Variants in CKAP2 observed in about 807,000 individuals in gnomAD.
The protein encoded by CKAP2 is cytoskeleton associated protein 2.
Under a neutral mutation model 58.4 loss-of-function variants are expected in CKAP2, and 46 were observed. The ratio of observed to expected loss-of-function variants is 0.79; its 90% CI spans 0.62 to 1.01. The LOEUF (loss-of-function observed/expected upper bound fraction) is 1.01. CKAP2 is among the 50% of genes least tolerant of loss of function. The pLI, the probability that CKAP2 is intolerant of heterozygous loss-of-function variation, is 0.00. For missense variants in CKAP2, 809 were observed against 796.4 expected (o/e 1.02, Z -0.19); for synonymous variants, 293 against 280.9 (o/e 1.04, Z -0.43).
chr13:52,473,047 TA>T (rs201486101), intron 7 of CKAP2, among the ~76,000 whole-genome samples: 1,617 of 137,536 alleles, frequency 0.012, 3 homozygotes, highest in African/African-American at 0.016. Context: ...ACCCTGTCTC[TA>T]AAAAAAAAAA....
chr13:52,456,652 G>T (rs1566096383), intron 2 of CKAP2, 45 bp downstream of exon 2: 1 of 1,423,256 alleles, frequency 7.0e-7, no homozygotes, highest in Non-Finnish European at 9.8e-7. Context: ...AATTGTATCA[G>T]ATCTGTCCAA....
rs750486354 is a variant in CKAP2, at chr13:52,473,810, A to G, written c.1547-19A>G. 1.1e-5 allele frequency: 18 copies of G among 1,577,046 alleles called. No individual in the cohort carries two copies. The highest frequency in any genetic ancestry group is 1.5e-5 in the Non-Finnish European group (17 of 1,164,974). On this transcript the variant is annotated intron_variant, in intron 7 of 8. Transcript: ENST00000258607. ...TAAAATTCAGCCAAAAGCTTAATCT[A>G]TAAATGTATTTTCTATAGGAGAAAA...
At position 52,468,328 on chromosome 13, in the gene CKAP2, T is replaced by A; in HGVS notation, c.1527T>A (p.Ser509Arg). Reference sequence around the variant, plus strand: ...TTGTAGATATTCTAACAATGAAGAGTCAAGAAAAAGCTAATTTAGGTAAGT... The same window carrying A: ...TTGTAGATATTCTAACAATGAAGAGACAAGAAAAAGCTAATTTAGGTAAGT... ...HTIVDILTMK[S>R]QEKANLGENM... is the part of the protein sequence containing the mutation. Residue 509 changes from serine to arginine, a missense_variant, in exon 7 of 9, where the codon AGT becomes AGA. By Grantham distance (110) the Ser-to-Arg change is moderately radical (BLOSUM62 -1). Coordinates refer to ENST00000258607, the MANE Select transcript of CKAP2 (RefSeq NM_018204.5). 2 of 1,597,250 alleles carry A rather than the reference T, an allele frequency of 1.3e-6. No individual in the cohort carries two copies. The highest frequency in any genetic ancestry group is 1.7e-6 in the Non-Finnish European group (2 of 1,171,466).
rs539068636 is a variant in CKAP2 at position 52,460,105 on chromosome 13, C to G, written c.156-794C>G. Among the ~76,000 whole-genome samples the G allele has an allele frequency of 3.9e-5, 6 of 152,238 alleles. No homozygotes were observed. The South Asian group carries it at 8.3e-4, about 21-fold the overall frequency. On this transcript the variant is annotated intron_variant, in intron 2 of 8. Transcript: ENST00000258607. ...AACTCCTGAGCTCAAGTAATCCCCC[C>G]ACCTCGGCCTCCCAAAGTGCTGCTA...
intron 3 of CKAP2, 22 bp downstream of exon 3, chr13:52,460,996 CT>C: frequency 6.2e-7 from 1 of 1,609,264 alleles, no homozygotes; most frequent in Non-Finnish European, 8.5e-7. Context: ...ACATAGCACT[CT>C]TAAACTGTCC....
chr13:52,460,185 T>C (rs754637679), intron 2 of CKAP2, among the ~76,000 whole-genome samples: 5 of 152,026 alleles, frequency 3.3e-5, no homozygotes, highest in Non-Finnish European at 7.4e-5. Flanking sequence ...TATCCTAATA[T>C]AAATTAAGCT....
At chr13:52,472,584 C>T (rs1242909435) in intron 7 of CKAP2, among the ~76,000 whole-genome samples, 2 of 152,150 alleles carry the variant, frequency 1.3e-5, no homozygotes, top group African/African-American at 4.8e-5. Flanking sequence ...TCTGCCCTCA[C>T]TGCTTTCCCA....
Position 52,466,472 on chromosome 13 carries a change from T to C in CKAP2, c.1476+1007T>C, listed in dbSNP as rs918718178. Among the ~76,000 whole-genome samples, 7 of 152,194 alleles carry C rather than the reference T, an allele frequency of 4.6e-5. 1 individual carries two copies. Among genetic ancestry groups the C allele is most frequent in the Non-Finnish European group, 1.0e-4 (7 of 68,048 alleles). On this transcript the variant is annotated intron_variant, in intron 6 of 8. Coordinates refer to ENST00000258607, the MANE Select transcript of CKAP2 (RefSeq NM_018204.5). ...TCAGTGGCTGTCATGTGTAAAACTTTCTAGAATGGTAATTATATTTGACAG... is the reference window on the plus strand; with the variant it reads ...TCAGTGGCTGTCATGTGTAAAACTTCCTAGAATGGTAATTATATTTGACAG...
chr13:52,463,739 G>A lies in CKAP2; in HGVS notation c.1305+1172G>A, dbSNP rs550260409. On this transcript the variant is annotated intron_variant, in intron 5 of 8. Transcript: ENST00000258607. ...GGATAAGGAGGCATTCTGCTGGGTG[G>A]CTTTTTAAGATATTTACTTCAGAGT... Among the ~76,000 whole-genome samples, 17 of 152,284 alleles carry A rather than the reference G, an allele frequency of 1.1e-4. No homozygotes were observed. In the South Asian group the frequency reaches 2.5e-3, roughly 22 times the overall value.
chr13:52,465,039 A>C (rs1196923795), intron 5 of CKAP2, among the ~76,000 whole-genome samples: 1 of 152,220 alleles, frequency 6.6e-6, no homozygotes, highest in Non-Finnish European at 1.5e-5. Flanking sequence ...CGAGGAAAAA[A>C]AACTCCGCAG....
rs1357050184 is a variant in CKAP2, at chr13:52,462,494, A to G, written c.1232A>G (p.Glu411Gly). Reference protein sequence around the residue: ...PVGSFWTTMAEEDEQRLFTEK... With the variant: ...PVGSFWTTMAGEDEQRLFTEK... ...GGGTCTTTTTGGACTACCATGGCAG[A>G]AGAAGATGAACAAAGATTATTTACT... The change falls in exon 5 of 9, where the codon GAA becomes GGA. Residue 411 changes from glutamate to glycine, a missense_variant. By Grantham distance (98) the Glu-to-Gly change is moderately conservative. Coordinates refer to ENST00000258607, the MANE Select transcript of CKAP2 (RefSeq NM_018204.5). 1 of 1,614,152 alleles carries G rather than the reference A, an allele frequency of 6.2e-7. No homozygotes were observed. The highest frequency in any genetic ancestry group is 1.1e-5 in the South Asian group (1 of 91,070).
rs1286068561 is a variant in CKAP2, at chr13:52,462,466, G to C, written c.1204G>C (p.Val402Leu). 3 of 1,613,948 alleles carry C rather than the reference G, an allele frequency of 1.9e-6. No individual in the cohort carries two copies. Among genetic ancestry groups the C allele is most frequent in the Non-Finnish European group, 8.5e-7 (1 of 1,179,982 alleles). The change falls in exon 5 of 9, where the codon GTT (valine) becomes CTT (leucine). Residue 402 changes from valine (V) to leucine (L), a missense_variant. Coordinates refer to ENST00000258607, the MANE Select transcript of CKAP2 (RefSeq NM_018204.5). The part of the protein sequence containing the change: ...HEPAGQNEKP[V>L]GSFWTTMAEE... Reference sequence around the variant, plus strand: ...GCCTGCAGGACAAAATGAAAAACCAGTTGGGTCTTTTTGGACTACCATGGC... The same window carrying C: ...GCCTGCAGGACAAAATGAAAAACCACTTGGGTCTTTTTGGACTACCATGGC...
chr13:52,462,680 T>C (rs1958605083), intron 5 of CKAP2, 113 bp downstream of exon 5: 12 of 781,826 alleles, frequency 1.5e-5, no homozygotes, highest in Admixed American at 2.9e-5. Context: ...GGTGATACTA[T>C]GTTGACTTAA....
chr13:52,456,658 T>G, intron 2 of CKAP2, 51 bp downstream of exon 2: 4 of 1,365,818 alleles, frequency 2.9e-6, no homozygotes, highest in East Asian at 2.3e-5. Flanking sequence ...ATCAGATCTG[T>G]CCAATGAAAA....
At chr13:52,459,004 T>A (rs972430759) in intron 2 of CKAP2, among the ~76,000 whole-genome samples, 1 of 152,198 alleles carries the variant, frequency 6.6e-6, no homozygotes, top group Non-Finnish European at 1.5e-5. Context: ...ATCCTAAGAC[T>A]CATTTCCGAT....
chr13:52,455,723 C>A, intron 1 of CKAP2, 97 bp downstream of exon 1: 1 of 1,270,984 alleles, frequency 7.9e-7, no homozygotes, highest in South Asian at 2.1e-5. Flanking sequence ...CGCGCTTCAC[C>A]TCTCCCCCGC....
At chr13:52,457,110 T>A (rs1188651343) in intron 2 of CKAP2, among the ~76,000 whole-genome samples, 1 of 152,178 alleles carries the variant, frequency 6.6e-6, no homozygotes, top group Non-Finnish European at 1.5e-5. Flanking sequence ...TTGGCCGGGC[T>A]GGTCTTGGAC....
intron 2 of CKAP2, among the ~76,000 whole-genome samples, chr13:52,457,412 G>C (rs919015269): frequency 6.6e-6 from 1 of 152,126 alleles, no homozygotes; most frequent in African/African-American, 2.4e-5. Context: ...ACTAGTTGTA[G>C]TCTCAACCCT....
At chr13:52,469,593 A>ATTTTT (rs1491429967) in intron 7 of CKAP2, among the ~76,000 whole-genome samples, 1 of 140,366 alleles carries the variant, frequency 7.1e-6, no homozygotes, top group Admixed American at 7.0e-5. Flanking sequence ...TTATTTATTT[A>ATTTTT]TTTATTTTTT....
Sources: allele counts gnomAD v4.1 joint callset (sites outside exome capture counted in the v4.1 genomes callset), GRCh38; gene constraint gnomAD v4.1.1; transcripts MANE v1.5; gene names NCBI Gene and HGNC (gene_info 2026-07-23, HGNC 2026-07-21).